TMUB1: variants seen among roughly 807,000 people sequenced by gnomAD.
TMUB1 encodes the protein transmembrane and ubiquitin like domain containing 1, also known as transmembrane and ubiquitin-like domain-containing protein 1.
A neutral mutation model predicts 16.2 loss-of-function variants in TMUB1; 9 were observed. The ratio of observed to expected loss-of-function variants is 0.55; its 90% CI spans 0.33 to 0.97. TMUB1 has a LOEUF of 0.97. TMUB1 is among the 50% of genes least tolerant of loss of function. The pLI is 0.03. For missense variants in TMUB1, 309 were observed against 313.5 expected, an observed-to-expected ratio of 0.99 and a Z score of 0.11; for synonymous variants, 155 against 152.2, an observed-to-expected ratio of 1.02 and a Z score of -0.13.
At position 151,081,440 on chromosome 7, in the gene TMUB1, G is replaced by A; in HGVS notation, c.*109C>T. 2 of 1,363,778 alleles carry A rather than the reference G, an allele frequency of 1.5e-6. No homozygotes were observed. Among genetic ancestry groups the A allele is most frequent in the Non-Finnish European group, 1.9e-6 (2 of 1,058,706 alleles). 84.5% of individuals were successfully genotyped at this position (1,363,778 alleles called of 1,614,324 possible). On this transcript the variant is annotated 3_prime_UTR_variant, in exon 3 of 3. Transcript: ENST00000297533. The surrounding 1 kb of genome is among the most constrained non-coding windows in gnomAD (Gnocchi z 7.6). ...GCGCAGGGCTGGGCTCCAGGGCGGCGGGAAGAGGCAGGCCGGAGAGGCGGG... is the reference window on the plus strand; with the variant it reads ...GCGCAGGGCTGGGCTCCAGGGCGGCAGGAAGAGGCAGGCCGGAGAGGCGGG...
chr7:151,082,148 A>G lies in TMUB1; in HGVS notation c.389+27T>C, dbSNP rs1410223093. The G allele has an allele frequency of 1.3e-6, 2 of 1,498,054 alleles. No individual in the cohort carries two copies. Among genetic ancestry groups the G allele is most frequent in the Non-Finnish European group, 1.8e-6 (2 of 1,123,228 alleles). 92.8% of individuals were successfully genotyped at this position (1,498,054 alleles called of 1,614,324 possible). ...CACTCTCCCAACCCCTGTCTTTAGC[A>G]TTGCTCCTGCCTCTTGACCTACTTA... On this transcript the variant is annotated intron_variant, in intron 2 of 2. Transcript: ENST00000297533. The surrounding 1 kb of genome is among the most constrained non-coding windows in gnomAD (Gnocchi z 7.0).
Position 151,082,347 on chromosome 7 carries a change from T to C in TMUB1, c.217A>G (p.Ser73Gly). Residue 73 changes from serine to glycine, a missense_variant, in exon 2 of 3, where the codon AGC becomes GGC. By Grantham distance (56) the Ser-to-Gly change is moderately conservative. Coordinates refer to ENST00000297533, the MANE Select transcript of TMUB1 (RefSeq NM_001136044.2). This position sits in a 1 kb window ranked among gnomAD's most constrained non-coding sequence, Gnocchi z 7.0. ...RGEAPGAETP[S>G]LRHRGQAAQP... is the part of the protein sequence containing the mutation. ...GCAGCTTGACCTCTGTGTCTCAGGC[T>C]GGGGGTCTCTGCCCCTGGGGCCTCC... 6.3e-7 allele frequency: 1 copy of C among 1,598,054 alleles called. No individual in the cohort carries two copies. The highest frequency in any genetic ancestry group is 8.5e-7 in the Non-Finnish European group (1 of 1,171,170).
In TMUB1 at chr7:151,081,273, C is replaced by T. The variant is rs1177149161; in HGVS notation, c.*276G>A. 2 of 316,032 alleles carry T rather than the reference C, an allele frequency of 6.3e-6. No homozygotes were observed. The highest frequency in any genetic ancestry group is 2.2e-5 in the African/African-American group (1 of 45,448). 19.6% of individuals were successfully genotyped at this position (316,032 alleles called of 1,614,324 possible). A position where few individuals can be genotyped will look rare whatever the true frequency, so the allele number is the denominator to read the frequency against. On this transcript the variant is annotated 3_prime_UTR_variant, in exon 3 of 3. Coordinates refer to ENST00000297533, the MANE Select transcript of TMUB1 (RefSeq NM_001136044.2). The surrounding 1 kb of genome is among the most constrained non-coding windows in gnomAD (Gnocchi z 7.6). Reference sequence around the variant, plus strand: ...GCCCCCGGGGCGGCCCGGCTCTGCCCGGGGCCGAGGCAGCGACAGCAGATG... The same window carrying T: ...GCCCCCGGGGCGGCCCGGCTCTGCCTGGGGCCGAGGCAGCGACAGCAGATG...
rs928669066 is a variant in TMUB1 at position 151,082,042 on chromosome 7, T to A, written c.389+133A>T. The A allele has an allele frequency of 1.4e-6, 2 of 1,408,144 alleles. No individual in the cohort carries two copies. The highest frequency in any genetic ancestry group is 2.9e-5 in the African/African-American group (2 of 69,552). The allele number at this position is 1,408,144 out of a possible 1,614,324, so 87.2% of individuals were successfully genotyped here. A position where few individuals can be genotyped will look rare whatever the true frequency, so the allele number is the denominator to read the frequency against. On this transcript the variant is annotated intron_variant, in intron 2 of 2. Transcript: ENST00000297533. This position sits in a 1 kb window ranked among gnomAD's most constrained non-coding sequence, Gnocchi z 7.0. ...AGGGGCCGTCTGCCAGGGGAACAAG[T>A]ACAGTTGTGATCTGGGGCGCTCAGC...
rs145461493 is a variant in TMUB1, at chr7:151,082,376, C to T, written c.188G>A (p.Arg63Lys). 333 of 1,597,848 alleles carry T rather than the reference C, an allele frequency of 2.1e-4. 1 individual carries two copies. In the African/African-American group the frequency reaches 4.1e-3, roughly 20 times the overall value. Residue 63 changes from arginine (R) to lysine (K), a missense_variant, in exon 2 of 3, where the codon AGA becomes AAA. Transcript: ENST00000297533. The surrounding 1 kb of genome is among the most constrained non-coding windows in gnomAD (Gnocchi z 7.0). ...SAAMAATDSM[R>K]GEAPGAETPS... ...GGTCTCTGCCCCTGGGGCCTCCCCT[C>T]TCATGCTGTCGGTAGCTGCCATGGC...
Position 151,082,377 on chromosome 7 carries a change from T to G in TMUB1, c.187A>C (p.Arg63=). The change falls in exon 2 of 3, where the codon AGA becomes CGA. Residue 63 remains arginine (R), a synonymous_variant. Coordinates refer to ENST00000297533, the MANE Select transcript of TMUB1 (RefSeq NM_001136044.2). This position sits in a 1 kb window ranked among gnomAD's most constrained non-coding sequence, Gnocchi z 7.0. ...GTCTCTGCCCCTGGGGCCTCCCCTC[T>G]CATGCTGTCGGTAGCTGCCATGGCT... ...SAAMAATDSM[R]GEAPGAETPS... 2 of 1,598,002 alleles carry G rather than the reference T, an allele frequency of 1.3e-6. No individual in the cohort carries two copies. The highest frequency in any genetic ancestry group is 1.7e-6 in the Non-Finnish European group (2 of 1,172,270).
Position 151,081,897 on chromosome 7 carries a change from G to A in TMUB1, c.393C>T (p.Thr131=), listed in dbSNP as rs1178835182. 2.0e-6 allele frequency: 3 copies of A among 1,480,092 alleles called. No individual in the cohort carries two copies. The African/African-American group carries it at 4.2e-5, about 21-fold the overall frequency. The allele number at this position is 1,480,092 out of a possible 1,614,324, so 91.7% of individuals were successfully genotyped here. ...PHDTIGSLKR[T]QFPGREQQVR... is the part of the protein sequence containing the mutation. ...CCTGCTGTTCCCGGCCGGGAAACTGGGTCCTGAGGAGAGAGGGACCTGGGT... is the reference window on the plus strand; with the variant it reads ...CCTGCTGTTCCCGGCCGGGAAACTGAGTCCTGAGGAGAGAGGGACCTGGGT... Residue 131 remains threonine, a synonymous_variant, in exon 3 of 3, where the codon ACC becomes ACT. Transcript: ENST00000297533. The surrounding 1 kb of genome is among the most constrained non-coding windows in gnomAD (Gnocchi z 7.6).
Position 151,082,623 on chromosome 7 carries a change from C to A in TMUB1, c.-30-30G>T. ...AGAGGCACAAAGAGCCCGTGAGGCC[C>A]GGGCCCCCTGGCCAGGAGCCCTGGA... On this transcript the variant is annotated intron_variant, in intron 1 of 2. Transcript: ENST00000297533. The surrounding 1 kb of genome is among the most constrained non-coding windows in gnomAD (Gnocchi z 7.0). 1.4e-6 allele frequency: 2 copies of A among 1,443,000 alleles called. No homozygotes were observed. Among genetic ancestry groups the A allele is most frequent in the Non-Finnish European group, 1.8e-6 (2 of 1,096,294 alleles). The allele number at this position is 1,443,000 out of a possible 1,614,324, so 89.4% of individuals were successfully genotyped here. A position where few individuals can be genotyped will look rare whatever the true frequency, so the allele number is the denominator to read the frequency against.
At position 151,082,224 on chromosome 7, in the gene TMUB1, C is replaced by G. The variant is rs1394198393; in HGVS notation, c.340G>C (p.Glu114Gln). Residue 114 changes from glutamate (E) to glutamine (Q), a missense_variant, in exon 2 of 3, where the codon GAG becomes CAG. By Grantham distance (29) the Glu-to-Gln change is conservative. Coordinates refer to ENST00000297533, the MANE Select transcript of TMUB1 (RefSeq NM_001136044.2). The surrounding 1 kb of genome is among the most constrained non-coding windows in gnomAD (Gnocchi z 7.0). ...VLRLKFLNDS[E>Q]QVARAWPHDT... ...TGGGGCCAGGCCCTGGCCACCTGCT[C>G]TGAATCATTGAGGAATTTCAGCCGT... The G allele has an allele frequency of 1.3e-6, 2 of 1,543,348 alleles. No individual in the cohort carries two copies. Among genetic ancestry groups the G allele is most frequent in the African/African-American group, 2.8e-5 (2 of 72,562 alleles).
chr7:151,081,338 T>C lies in TMUB1; in HGVS notation c.*211A>G, dbSNP rs1045827247. 5 of 884,182 alleles carry C rather than the reference T, an allele frequency of 5.7e-6. No homozygotes were observed. Among genetic ancestry groups the C allele is most frequent in the Non-Finnish European group, 5.8e-6 (4 of 686,992 alleles). 54.8% of individuals were successfully genotyped at this position (884,182 alleles called of 1,614,324 possible). A position where few individuals can be genotyped will look rare whatever the true frequency, so the allele number is the denominator to read the frequency against. On this transcript the variant is annotated 3_prime_UTR_variant, in exon 3 of 3. Transcript: ENST00000297533. This position sits in a 1 kb window ranked among gnomAD's most constrained non-coding sequence, Gnocchi z 7.6. The stretch of plus-strand genomic sequence containing the variant: ...GCCCACTCCCAGTGCGGGCTGAGGG[T>C]CAGCAGCCCCGGGAGGTGGCCCCGA...
chr7:151,081,756 T>C lies in TMUB1; in HGVS notation c.534A>G (p.Pro178=), dbSNP rs770549994. 1.3e-6 allele frequency: 2 copies of C among 1,593,140 alleles called. No homozygotes were observed. The highest frequency in any genetic ancestry group is 1.3e-5 in the African/African-American group (1 of 74,774). The change falls in exon 3 of 3, where the codon CCA becomes CCG. Residue 178 remains proline, a synonymous_variant. Transcript: ENST00000297533. This position sits in a 1 kb window ranked among gnomAD's most constrained non-coding sequence, Gnocchi z 7.6. ...HCHVSTRVGP[P]NPPCPPGSEP... ...CGGACCCCGGCGGGCAGGGGGGATT[T>C]GGGGGACCGACTCTCGTGGACACGT...
At position 151,082,637 on chromosome 7, in the gene TMUB1, AG is replaced by A; in HGVS notation, c.-30-45del. On this transcript the variant is annotated intron_variant, in intron 1 of 2. Transcript: ENST00000297533. This position sits in a 1 kb window ranked among gnomAD's most constrained non-coding sequence, Gnocchi z 7.0. Reference sequence around the variant, plus strand: ...CCCGTGAGGCCCGGGCCCCCTGGCCAGGAGCCCTGGAACCTCCACAGGGTCC... The same window carrying A: ...CCCGTGAGGCCCGGGCCCCCTGGCCAGAGCCCTGGAACCTCCACAGGGTCC... 1 of 1,426,432 alleles carries A rather than the reference AG, an allele frequency of 7.0e-7. No individual in the cohort carries two copies. Among genetic ancestry groups the A allele is most frequent in the Non-Finnish European group, 9.2e-7 (1 of 1,085,318 alleles). The allele number at this position is 1,426,432 out of a possible 1,614,324, so 88.4% of individuals were successfully genotyped here. A position where few individuals can be genotyped will look rare whatever the true frequency, so the allele number is the denominator to read the frequency against.
rs1316525940 is a variant in TMUB1 at position 151,081,349 on chromosome 7, G to A, written c.*200C>T. The A allele has an allele frequency of 2.3e-5, 23 of 983,766 alleles. 2 individuals carry two copies. In the South Asian group the frequency reaches 8.0e-4, roughly 34 times the overall value. The allele number at this position is 983,766 out of a possible 1,614,324, so 60.9% of individuals were successfully genotyped here. A position where few individuals can be genotyped will look rare whatever the true frequency, so the allele number is the denominator to read the frequency against. Reference sequence around the variant, plus strand: ...GTGCGGGCTGAGGGTCAGCAGCCCCGGGAGGTGGCCCCGAGCCCCGGCGGT... The same window carrying A: ...GTGCGGGCTGAGGGTCAGCAGCCCCAGGAGGTGGCCCCGAGCCCCGGCGGT... On this transcript the variant is annotated 3_prime_UTR_variant, in exon 3 of 3. Transcript: ENST00000297533. This position sits in a 1 kb window ranked among gnomAD's most constrained non-coding sequence, Gnocchi z 7.6.
rs2150392193 is a variant in TMUB1 at position 151,083,027 on chromosome 7, T to C, written c.-31+407A>G. 1 of 155,138 alleles carries C rather than the reference T, an allele frequency of 6.4e-6. No individual in the cohort carries two copies. The highest frequency in any genetic ancestry group is 2.1e-4 in the South Asian group (1 of 4,872). 9.6% of individuals were successfully genotyped at this position (155,138 alleles called of 1,614,324 possible). A position where few individuals can be genotyped will look rare whatever the true frequency, so the allele number is the denominator to read the frequency against. ...TGCTAAAGTTTCTAAGAGGTGGGGG[T>C]AGAGCCTCTGTGCCCCCACCCCCGC... On this transcript the variant is annotated intron_variant, in intron 1 of 2. Coordinates refer to ENST00000297533, the MANE Select transcript of TMUB1 (RefSeq NM_001136044.2). This position sits in a 1 kb window ranked among gnomAD's most constrained non-coding sequence, Gnocchi z 5.9.
Position 151,082,299 on chromosome 7 carries a change from A to T in TMUB1, c.265T>A (p.Phe89Ile), listed in dbSNP as rs779504277. Residue 89 changes from phenylalanine (F) to isoleucine (I), a missense_variant, in exon 2 of 3, where the codon TTC becomes ATC. By Grantham distance (21) the Phe-to-Ile change is conservative (BLOSUM62 0). Transcript: ENST00000297533. The surrounding 1 kb of genome is among the most constrained non-coding windows in gnomAD (Gnocchi z 7.0). The stretch of plus-strand genomic sequence containing the variant: ...TCCGGGGCTGGCGGTGTTGCTGTGA[A>T]CCCCGTGCTGGGCTCTGGCTGTGCA... ...QAAQPEPSTGFTATPPAPDSP... is the reference protein window; with the variant it reads ...QAAQPEPSTGITATPPAPDSP... 11 of 1,595,682 alleles carry T rather than the reference A, an allele frequency of 6.9e-6. No homozygotes were observed. The highest frequency in any genetic ancestry group is 5.4e-5 in the African/African-American group (4 of 73,852).
chr7:151,082,522 A>G lies in TMUB1; in HGVS notation c.42T>C (p.Leu14=). The change falls in exon 2 of 3, where the codon CTT becomes CTC. Residue 14 remains leucine, a synonymous_variant. Coordinates refer to ENST00000297533, the MANE Select transcript of TMUB1 (RefSeq NM_001136044.2). This position sits in a 1 kb window ranked among gnomAD's most constrained non-coding sequence, Gnocchi z 7.0. ...IEGVGDEVTV[L]FSVLACLLVL... is the part of the protein sequence containing the mutation. ...CCAGAAGGCAGGCAAGCACCGAGAA[A>G]AGGACGGTCACCTCATCACCCACCC... 1.3e-6 allele frequency: 2 copies of G among 1,537,590 alleles called. No individual in the cohort carries two copies. Among genetic ancestry groups the G allele is most frequent in the Non-Finnish European group, 8.8e-7 (1 of 1,141,480 alleles).
At position 151,081,906 on chromosome 7, in the gene TMUB1, G is replaced by A. The variant is rs762945599; in HGVS notation, c.390-6C>T. The A allele has an allele frequency of 1.4e-6, 2 of 1,476,398 alleles. No individual in the cohort carries two copies. The highest frequency in any genetic ancestry group is 2.8e-5 in the South Asian group (2 of 71,416). The allele number at this position is 1,476,398 out of a possible 1,614,324, so 91.5% of individuals were successfully genotyped here. A position where few individuals can be genotyped will look rare whatever the true frequency, so the allele number is the denominator to read the frequency against. Reference sequence around the variant, plus strand: ...CCCGGCCGGGAAACTGGGTCCTGAGGAGAGAGGGACCTGGGTAAGAGAGCA... The same window carrying A: ...CCCGGCCGGGAAACTGGGTCCTGAGAAGAGAGGGACCTGGGTAAGAGAGCA... On this transcript the variant is annotated splice_polypyrimidine_tract_variant and splice_region_variant and intron_variant, in intron 2 of 2. Transcript: ENST00000297533. This position sits in a 1 kb window ranked among gnomAD's most constrained non-coding sequence, Gnocchi z 7.6.
In TMUB1 at chr7:151,082,584, C is replaced by T; in HGVS notation, c.-21G>A. The T allele has an allele frequency of 6.7e-7, 1 of 1,481,822 alleles. No homozygotes were observed. The highest frequency in any genetic ancestry group is 9.0e-7 in the Non-Finnish European group (1 of 1,115,602). The allele number at this position is 1,481,822 out of a possible 1,614,324, so 91.8% of individuals were successfully genotyped here. On this transcript the variant is annotated 5_prime_UTR_variant, in exon 2 of 3. Coordinates refer to ENST00000297533, the MANE Select transcript of TMUB1 (RefSeq NM_001136044.2). The surrounding 1 kb of genome is among the most constrained non-coding windows in gnomAD (Gnocchi z 7.0). ...GTCATGGCGCCTGCCTTGCCCGCCG[C>T]GCTACCGAGCTGGAGAGGCACAAAG...
Position 151,082,286 on chromosome 7 carries a change from G to A in TMUB1, c.278C>T (p.Pro93Leu), listed in dbSNP as rs372875041. 12 of 1,594,400 alleles carry A rather than the reference G, an allele frequency of 7.5e-6. No homozygotes were observed. The highest frequency in any genetic ancestry group is 9.4e-6 in the Non-Finnish European group (11 of 1,169,010). Residue 93 changes from proline (P) to leucine (L), a missense_variant, in exon 2 of 3, where the codon CCG (proline) becomes CTG (leucine). Physicochemically the swap from Pro to Leu is moderately conservative, Grantham distance 98. Transcript: ENST00000297533. The surrounding 1 kb of genome is among the most constrained non-coding windows in gnomAD (Gnocchi z 7.0). ...CTCCTGCGGGGAGTCCGGGGCTGGCGGTGTTGCTGTGAACCCCGTGCTGGG... is the reference window on the plus strand; with the variant it reads ...CTCCTGCGGGGAGTCCGGGGCTGGCAGTGTTGCTGTGAACCCCGTGCTGGG... ...PEPSTGFTAT[P>L]PAPDSPQEPL...
Sources: allele counts gnomAD v4.1 joint callset, GRCh38; gene constraint gnomAD v4.1.1; non-coding constraint Gnocchi (gnomAD v3.1); transcripts MANE v1.5; gene names NCBI Gene and HGNC (gene_info 2026-07-23, HGNC 2026-07-21).